SKP2: variants seen among roughly 807,000 people sequenced by gnomAD.
SKP2 encodes the protein S-phase kinase-associated protein 2.
SKP2 carries 16 observed loss-of-function variants against 51.8 expected under a neutral mutation model. The ratio of observed to expected loss-of-function variants is 0.31; its 90% CI spans 0.21 to 0.47. The LOEUF (loss-of-function observed/expected upper bound fraction) is 0.47, where lower values mean the gene tolerates loss of function less well. Among genes scored for constraint, SKP2 ranks in the 20% least tolerant of loss-of-function variants. The pLI, the probability that SKP2 is intolerant of heterozygous loss-of-function variation, is 1.00. For missense variants in SKP2, 377 were observed against 505.3 expected, an observed-to-expected ratio of 0.75 and a Z score of 2.43; for synonymous variants, 176 against 198.6, an observed-to-expected ratio of 0.89 and a Z score of 0.96.
Position 36,190,675 on chromosome 5 carries a change from A to G in SKP2, c.633-1946A>G, listed in dbSNP as rs149962677. On this transcript the variant is annotated intron_variant, in intron 6 of 7. Coordinates refer to the SKP2 transcript ENST00000677886. ...TTTTTTTAAATGATGAAAAACGTCA[A>G]ACATATGCAAAAAAAAAAAAAAAAA... is the stretch of plus-strand genomic sequence containing the variant. Among the ~76,000 whole-genome samples the G allele has an allele frequency of 2.1e-3, 264 of 126,980 alleles. 6 individuals carry two copies. In the East Asian group the frequency reaches 0.041, roughly 20 times the overall value. 83.3% of individuals were successfully genotyped at this position (126,980 alleles called of 152,430 possible).
chr5:36,164,076 C>T (rs1175694066), intron 3 of SKP2, among the ~76,000 whole-genome samples: 1 of 152,144 alleles, frequency 6.6e-6, no homozygotes, highest in African/African-American at 2.4e-5. Flanking sequence ...ACAGCGGTTC[C>T]TCACGCCGCT....
At chr5:36,166,434 G>T in intron 3 of SKP2, 85 bp from the exon 4 acceptor site, 1 of 1,140,768 alleles carries the variant, frequency 8.8e-7, no homozygotes. Flanking sequence ...TTTAGCAGCA[G>T]TGTCCTACCT....
downstream of SKP2, among the ~76,000 whole-genome samples, chr5:36,188,392 G>C (rs1167595592): frequency 1.3e-5 from 2 of 152,154 alleles, no homozygotes; most frequent in Non-Finnish European, 2.9e-5. Flanking sequence ...CATGTTTAGT[G>C]CTTCCTTTAG....
At chr5:36,165,866 C>T (rs1745268284) in intron 3 of SKP2, among the ~76,000 whole-genome samples, 1 of 152,036 alleles carries the variant, frequency 6.6e-6, no homozygotes, top group Admixed American at 6.6e-5. Flanking sequence ...TTAGAACATC[C>T]CTTTTGTTTT....
At chr5:36,158,155 T>G (rs910607999) in intron 2 of SKP2, among the ~76,000 whole-genome samples, 17 of 152,170 alleles carry the variant, frequency 1.1e-4, no homozygotes, top group Non-Finnish European at 2.1e-4. Flanking sequence ...GGCTCAGTAA[T>G]TATGTCTTTT....
downstream of SKP2, among the ~76,000 whole-genome samples, chr5:36,188,221 C>T (rs1046717235): frequency 2.6e-5 from 4 of 152,198 alleles, no homozygotes; most frequent in Non-Finnish European, 4.4e-5. Flanking sequence ...AGCATTTAGT[C>T]AATTTACCTG....
rs1745672844 is a variant in SKP2, at chr5:36,177,522, C to T, written c.1061+230C>T. The T allele has an allele frequency of 8.6e-6, 5 of 580,876 alleles. No individual in the cohort carries two copies. The Admixed American group carries it at 1.1e-4, about 13-fold the overall frequency. 36.0% of individuals were successfully genotyped at this position (580,876 alleles called of 1,614,324 possible). A position where few individuals can be genotyped will look rare whatever the true frequency, so the allele number is the denominator to read the frequency against. The stretch of plus-strand genomic sequence containing the variant: ...GTTTAGCTGTAAGCAGTTTTAATTA[C>T]TAGCTTGCTGTCTTAGTATCTATGA... On this transcript the variant is annotated intron_variant, in intron 9 of 9. Transcript: ENST00000274255.
In SKP2 at chr5:36,184,204, C is replaced by T. The variant is rs960864703; in HGVS notation, c.*2173C>T. The T allele has an allele frequency of 2.8e-6, 1 of 360,618 alleles. No individual in the cohort carries two copies. Among genetic ancestry groups the T allele is most frequent in the Non-Finnish European group, 4.9e-6 (1 of 203,216 alleles). The allele number at this position is 360,618 out of a possible 1,614,324, so 22.3% of individuals were successfully genotyped here. ...TGACCCATCTACTTCATATGCTTGT[C>T]ACATTAAAAAAAAAAGTTTATAATG... On this transcript the variant is annotated 3_prime_UTR_variant, in exon 10 of 10. Coordinates refer to ENST00000274255, the MANE Select transcript of SKP2 (RefSeq NM_005983.4).
Position 36,163,668 on chromosome 5 carries a change from G to A in SKP2, c.304G>A (p.Asp102Asn). ...AGGTGTTTCATGGGACTCCCTTCCGGATGAGCTGCTCTTGGGAATCTTTTC... is the reference window on the plus strand; with the variant it reads ...AGGTGTTTCATGGGACTCCCTTCCGAATGAGCTGCTCTTGGGAATCTTTTC... ...FPGVSWDSLP[D>N]ELLLGIFSCL... The change falls in exon 3 of 10, where the codon GAT (aspartate) becomes AAT (asparagine). Residue 102 changes from aspartate (D) to asparagine (N), a missense_variant. Around this residue, in one of 2 missense-constraint regions of SKP2, gnomAD observed 262 missense variants for 389.8 expected, o/e 0.67. Coordinates refer to ENST00000274255, the MANE Select transcript of SKP2 (RefSeq NM_005983.4). The A allele has an allele frequency of 6.2e-7, 1 of 1,613,784 alleles. No individual in the cohort carries two copies. Among genetic ancestry groups the A allele is most frequent in the Non-Finnish European group, 8.5e-7 (1 of 1,179,708 alleles).
chr5:36,162,023 G>T (rs768437704), intron 2 of SKP2, among the ~76,000 whole-genome samples: 1 of 152,172 alleles, frequency 6.6e-6, no homozygotes, highest in Non-Finnish European at 1.5e-5. Flanking sequence ...CATACTTGTT[G>T]AATAGTTATT....
intron 2 of SKP2, among the ~76,000 whole-genome samples, chr5:36,159,208 A>G (rs1363611829): frequency 6.6e-6 from 1 of 152,124 alleles, no homozygotes; most frequent in African/African-American, 2.4e-5. Context: ...TGCAACACAA[A>G]GTCCTCCAGA....
At chr5:36,170,821 T>C (rs1199392669) in intron 6 of SKP2, among the ~76,000 whole-genome samples, 1 of 152,224 alleles carries the variant, frequency 6.6e-6, no homozygotes, top group Non-Finnish European at 1.5e-5. Flanking sequence ...TTTATAAATA[T>C]AGACCGTAAA....
chr5:36,164,056 G>T (rs1367163768), intron 3 of SKP2, among the ~76,000 whole-genome samples: 1 of 152,154 alleles, frequency 6.6e-6, no homozygotes, highest in African/African-American at 2.4e-5. Flanking sequence ...AGTTACAGAG[G>T]TGCATGCAGA....
chr5:36,177,287 T>C lies in SKP2; in HGVS notation c.1056T>C (p.Thr352=), dbSNP rs368018908. 1.9e-6 allele frequency: 3 copies of C among 1,572,682 alleles called. No homozygotes were observed. In the South Asian group the frequency reaches 3.3e-5, roughly 17 times the overall value. Residue 352 remains threonine (T), a synonymous_variant, in exon 9 of 10, where the codon ACT becomes ACC. Transcript: ENST00000274255. ...GGTGCTATGATATAATACCTGAAAC[T>C]TTACTGTAAGTATGTTTTGTTTTTA... is the stretch of plus-strand genomic sequence containing the variant. The part of the protein sequence containing the change: ...LSRCYDIIPE[T]LLELGEIPTL...
In SKP2 at chr5:36,166,561, A is replaced by G; in HGVS notation, c.435A>G (p.Lys145=). 6.2e-7 allele frequency: 1 copy of G among 1,614,056 alleles called. No homozygotes were observed. The highest frequency in any genetic ancestry group is 8.5e-7 in the Non-Finnish European group (1 of 1,179,978). ...SLWQTLDLTG[K]NLHPDVTGRL... ...GGCAGACCTTAGACCTCACAGGTAA[A>G]AATCTGCACCCGGATGTGACTGGTC... The change falls in exon 4 of 10, where the codon AAA becomes AAG. Residue 145 remains lysine, a synonymous_variant. Coordinates refer to ENST00000274255, the MANE Select transcript of SKP2 (RefSeq NM_005983.4).
At position 36,173,634 on chromosome 5, in the gene SKP2, C is replaced by T. The variant is rs548148919; in HGVS notation, c.901+1901C>T. Among the ~76,000 whole-genome samples the T allele has an allele frequency of 2.0e-5, 3 of 152,192 alleles. No homozygotes were observed. The East Asian group carries it at 5.8e-4, about 29-fold the overall frequency. ...TCCAAATTTGGCTTAAAATCTTTCC[C>T]TTTGTTCCTCCAAGAAAGAACAGAG... On this transcript the variant is annotated intron_variant, in intron 7 of 9. Coordinates refer to ENST00000274255, the MANE Select transcript of SKP2 (RefSeq NM_005983.4).
In SKP2 at chr5:36,152,823, A is replaced by C; in HGVS notation, c.61A>C (p.Thr21Pro). ...DLSSNVATSF[T>P]WGWDSSKTSE... ...GAGTAGCAACGTTGCCACCAGCTTC[A>C]CGTGGGGATGGGATTCCAGCAAGAC... The change falls in exon 2 of 10, where the codon ACG (threonine) becomes CCG (proline). Residue 21 changes from threonine (T) to proline (P), a missense_variant. By Grantham distance (38) the Thr-to-Pro change is conservative (BLOSUM62 -1). Transcript: ENST00000274255. 1 of 1,614,080 alleles carries C rather than the reference A, an allele frequency of 6.2e-7. No homozygotes were observed. Among genetic ancestry groups the C allele is most frequent in the Non-Finnish European group, 8.5e-7 (1 of 1,180,026 alleles).
At chr5:36,159,812 C>A (rs922365176) in intron 2 of SKP2, among the ~76,000 whole-genome samples, 1 of 152,194 alleles carries the variant, frequency 6.6e-6, no homozygotes, top group Non-Finnish European at 1.5e-5. Flanking sequence ...TACTTGAAGT[C>A]AGAGCTTCAG....
intron 9 of SKP2, chr5:36,180,112 T>A (rs1249279813): frequency 4.3e-6 from 2 of 466,028 alleles, no homozygotes; most frequent in Non-Finnish European, 8.6e-6. Flanking sequence ...TCCTCTGCCA[T>A]CTGCCATTCC....
Sources: gnomAD v4.1 joint callset for allele counts (sites outside exome capture counted in the v4.1 genomes callset) on GRCh38, gnomAD v4.1.1 for gene constraint, gnomAD v4.1.1 regional missense constraint, MANE v1.5 for transcripts, NCBI Gene and HGNC (gene_info 2026-07-23, HGNC 2026-07-21) for gene names.